Variants in XYLT1 observed in about 807,000 individuals in gnomAD.
XYLT1 encodes beta-D-xylosyltransferase 1.
A neutral mutation model predicts 91.3 loss-of-function variants in XYLT1; 36 were observed. That is an observed-to-expected ratio of 0.39 (90% CI 0.30 to 0.52). The LOEUF is 0.52. Ranked by LOEUF, XYLT1 falls within the 20% of genes least tolerant of loss-of-function variation. XYLT1 has a pLI of 0.68. For missense variants in XYLT1, 1,242 were observed against 1,284.5 expected (o/e 0.97, Z 0.51); for synonymous variants, 588 against 532.0 (o/e 1.11, Z -1.45).
chr16:17,146,361 G>C (rs980574014), intron 6 of XYLT1, among the ~76,000 whole-genome samples: 1 of 152,176 alleles, frequency 6.6e-6, no homozygotes, highest in African/African-American at 2.4e-5. Flanking sequence ...CATCTGTGGG[G>C]CAGTGTGGTT....
intron 2 of XYLT1, 149 bp from the exon 3 acceptor site, chr16:17,259,647 A>G (rs1024531509): frequency 1.7e-5 from 16 of 953,164 alleles, no homozygotes; most frequent in Non-Finnish European, 2.4e-5. Flanking sequence ...CTCTGGTAAG[A>G]TGGCTCTCTC....
At chr16:17,401,970 A>G (rs1052249800) in intron 1 of XYLT1, among the ~76,000 whole-genome samples, 1 of 152,216 alleles carries the variant, frequency 6.6e-6, no homozygotes, top group Admixed American at 6.5e-5. Context: ...TGCGCTAATT[A>G]GCAGGATCAG....
Position 17,282,960 on chromosome 16 carries a change from A to ACCC in XYLT1, c.403-23465_403-23463dup, listed in dbSNP as rs11392637. 1.1e-3 allele frequency among the ~76,000 whole-genome samples: 169 copies of ACCC among 151,238 alleles called. 1 individual carries two copies. In the South Asian group the frequency reaches 0.022, roughly 20 times the overall value. On this transcript the variant is annotated intron_variant, in intron 2 of 11. Transcript: ENST00000261381. The stretch of plus-strand genomic sequence containing the variant: ...TGAAACTGACACACAGCAATAAGTC[A>ACCC]CCCCCCCCAAGTCACACAGCTAGTA...
chr16:17,247,138 T>C (rs1168607115), intron 3 of XYLT1, among the ~76,000 whole-genome samples: 2 of 129,530 alleles, frequency 1.5e-5, no homozygotes, highest in African/African-American at 7.7e-5. Context: ...TAGGGCTTAT[T>C]TCATTCATTC....
intron 2 of XYLT1, among the ~76,000 whole-genome samples, chr16:17,302,704 G>C (rs2034414744): frequency 6.6e-6 from 1 of 152,152 alleles, no homozygotes; most frequent in African/African-American, 2.4e-5. Flanking sequence ...ATTTTGTTTA[G>C]TACACCCATG....
intron 1 of XYLT1, among the ~76,000 whole-genome samples, chr16:17,396,433 C>A (rs538172583): frequency 6.6e-6 from 1 of 152,174 alleles, no homozygotes; most frequent in Non-Finnish European, 1.5e-5. Context: ...CACACAAACT[C>A]ACTGTGAGAA....
At chr16:17,438,703 G>A (rs1188747089) in intron 1 of XYLT1, among the ~76,000 whole-genome samples, 2 of 152,088 alleles carry the variant, frequency 1.3e-5, no homozygotes, top group Non-Finnish European at 2.9e-5. Flanking sequence ...CATGGCAGAA[G>A]GTGAAGGGGA....
At chr16:17,400,984 A>G (rs1054517342) in intron 1 of XYLT1, among the ~76,000 whole-genome samples, 7 of 103,140 alleles carry the variant, frequency 6.8e-5, no homozygotes, top group African/African-American at 2.9e-4. Flanking sequence ...TCTCTCTTTC[A>G]TACACACACA....
At chr16:17,188,220 C>T (rs1597178544) in intron 5 of XYLT1, among the ~76,000 whole-genome samples, 1 of 152,232 alleles carries the variant, frequency 6.6e-6, no homozygotes, top group East Asian at 1.9e-4. Context: ...GGCCTCCCCA[C>T]TCCCATTTGG....
At chr16:17,446,496 C>A (rs1195297462) in intron 1 of XYLT1, 1 of 152,096 alleles carries the variant, frequency 6.6e-6, no homozygotes, top group Non-Finnish European at 1.5e-5. Context: ...GGATTCAAAC[C>A]CAGGCTCTTG....
intron 2 of XYLT1, among the ~76,000 whole-genome samples, chr16:17,356,264 G>A (rs2035293514): frequency 6.6e-6 from 1 of 152,170 alleles, no homozygotes; most frequent in African/African-American, 2.4e-5. Flanking sequence ...GTATTTTTAG[G>A]TGACTTTATA....
At chr16:17,373,193 G>A (rs778055536) in intron 1 of XYLT1, among the ~76,000 whole-genome samples, 2 of 151,982 alleles carry the variant, frequency 1.3e-5, no homozygotes, top group African/African-American at 4.8e-5. Flanking sequence ...CTCTCTGAAG[G>A]GCTGTTGTTG....
At chr16:17,233,016 A>G (rs2033192139) in intron 3 of XYLT1, among the ~76,000 whole-genome samples, 1 of 152,084 alleles carries the variant, frequency 6.6e-6, no homozygotes, top group Non-Finnish European at 1.5e-5. Flanking sequence ...ATACACTATC[A>G]GGACTTGTCT....
intron 3 of XYLT1, among the ~76,000 whole-genome samples, chr16:17,229,094 C>T (rs1158874374): frequency 6.6e-6 from 1 of 152,196 alleles, no homozygotes; most frequent in Non-Finnish European, 1.5e-5. Flanking sequence ...CTCAGCCTCC[C>T]AAGTAGCTGG....
chr16:17,237,664 G>C (rs1343073999), intron 3 of XYLT1, among the ~76,000 whole-genome samples: 1 of 152,166 alleles, frequency 6.6e-6, no homozygotes, highest in Non-Finnish European at 1.5e-5. Flanking sequence ...TCTTACCAGC[G>C]TTTCTACAGG....
rs374018391 is a variant in XYLT1, at chr16:17,105,552, A to G, written c.*3143T>C. 6.6e-6 allele frequency: 1 copy of G among 152,320 alleles called. No individual in the cohort carries two copies. The highest frequency in any genetic ancestry group is 1.9e-4 in the East Asian group (1 of 5,178). The allele number at this position is 152,320 out of a possible 1,614,324, so 9.4% of individuals were successfully genotyped here. ...CCGGGAAGTGAAGTGGGATGTGGGA[A>G]GGCTGGCTGTCTCCTGAGCTCAATT... On this transcript the variant is annotated 3_prime_UTR_variant, in exon 12 of 12. Coordinates refer to ENST00000261381, the MANE Select transcript of XYLT1 (RefSeq NM_022166.4).
intron 3 of XYLT1, among the ~76,000 whole-genome samples, chr16:17,224,411 T>C (rs895117914): frequency 6.6e-6 from 1 of 152,244 alleles, no homozygotes; most frequent in Non-Finnish European, 1.5e-5. Flanking sequence ...GCAAGAGCCA[T>C]CTGTGATTTG....
intron 7 of XYLT1, among the ~76,000 whole-genome samples, chr16:17,140,658 C>CAAAAAAAAAAAAAAAAAAAA (rs71137974): frequency 4.4e-5 from 3 of 68,004 alleles, no homozygotes; most frequent in African/African-American, 1.8e-4. Context: ...AAGACTGTCT[C>CAAAAAAAAAAAAAAAAAAAA]AAAAAAAAAA....
intron 1 of XYLT1, among the ~76,000 whole-genome samples, chr16:17,397,552 C>A (rs1323778868): frequency 1.3e-5 from 2 of 152,112 alleles, no homozygotes; most frequent in African/African-American, 2.4e-5. Flanking sequence ...TTCATTCCCC[C>A]CTTTACTCTA....
Sources: gnomAD v4.1 joint callset for allele counts (sites outside exome capture counted in the v4.1 genomes callset) on GRCh38, gnomAD v4.1.1 for gene constraint, MANE v1.5 for transcripts, NCBI Gene and HGNC (gene_info 2026-07-23, HGNC 2026-07-21) for gene names.